The following PLOD2 variants were observed in gnomAD, a reference collection of about 807,000 sequenced individuals.
PLOD2 encodes the protein lysine hydroxylase 2.
A neutral mutation model predicts 101.0 loss-of-function variants in PLOD2; 65 were observed. The ratio of observed to expected loss-of-function variants is 0.64; its 90% CI spans 0.53 to 0.79. The LOEUF is 0.79. Among genes scored for constraint, PLOD2 ranks in the 30% least tolerant of loss-of-function variants. PLOD2 has a pLI of 0.00. For synonymous variants in PLOD2, 314 were observed against 302.9 expected (o/e 1.04, Z -0.38); for missense variants, 909 against 914.6 (o/e 0.99, Z 0.08).
intron 11 of PLOD2, among the ~76,000 whole-genome samples, chr3:146,082,770 C>A (rs1382104712): frequency 1.3e-5 from 2 of 152,076 alleles, no homozygotes; most frequent in East Asian, 3.9e-4. Flanking sequence ...TGGCACGCAC[C>A]TATAATCCCA....
chr3:146,092,329 G>C (rs976684108), intron 7 of PLOD2, among the ~76,000 whole-genome samples: 7 of 151,860 alleles, frequency 4.6e-5, no homozygotes, highest in African/African-American at 1.7e-4. Context: ...ACAGTAAATG[G>C]GGCAGTAGTA....
chr3:146,152,596 G>C (rs1460665633), intron 1 of PLOD2, among the ~76,000 whole-genome samples: 2 of 152,162 alleles, frequency 1.3e-5, no homozygotes, highest in African/African-American at 2.4e-5. Flanking sequence ...CTGTGTAAAA[G>C]AAAGTGGTAG....
intron 1 of PLOD2, among the ~76,000 whole-genome samples, chr3:146,147,902 T>C (rs2031860839): frequency 6.6e-6 from 1 of 152,134 alleles, no homozygotes; most frequent in Admixed American, 6.5e-5. Flanking sequence ...CAGCCAGCTG[T>C]TGTTGCCATA....
At chr3:146,136,774 T>G (rs1032439880) in intron 1 of PLOD2, among the ~76,000 whole-genome samples, 10 of 152,216 alleles carry the variant, frequency 6.6e-5, no homozygotes, top group African/African-American at 2.4e-4. Context: ...CCTTACAGGT[T>G]TGTAGTGTAG....
rs369867398 is a variant in PLOD2 at position 146,086,916 on chromosome 3, A to G, written c.1006-8T>C. ...CTTTTCATGATAAACTTCCTGTAAC[A>G]TATTTTAAAAATCAAAAATTAGAGA... On this transcript the variant is annotated splice_region_variant and splice_polypyrimidine_tract_variant and intron_variant, in intron 9 of 19. Coordinates refer to ENST00000282903, the MANE Select transcript of PLOD2 (RefSeq NM_182943.3). 2 of 1,470,898 alleles carry G rather than the reference A, an allele frequency of 1.4e-6. No individual in the cohort carries two copies. Among genetic ancestry groups the G allele is most frequent in the African/African-American group, 1.4e-5 (1 of 71,674 alleles). The allele number at this position is 1,470,898 out of a possible 1,614,324, so 91.1% of individuals were successfully genotyped here. A position where few individuals can be genotyped will look rare whatever the true frequency, so the allele number is the denominator to read the frequency against.
At chr3:146,125,916 A>C (rs2030534220) in intron 1 of PLOD2, among the ~76,000 whole-genome samples, 1 of 152,200 alleles carries the variant, frequency 6.6e-6, no homozygotes, top group African/African-American at 2.4e-5. Context: ...TCTATCTGTA[A>C]TAAAATTACT....
At chr3:146,095,619 T>C (rs1269296677) in intron 7 of PLOD2, among the ~76,000 whole-genome samples, 2 of 152,004 alleles carry the variant, frequency 1.3e-5, no homozygotes, top group African/African-American at 2.4e-5. Flanking sequence ...GGAGTGTAAA[T>C]TATTTCAACC....
At chr3:146,108,385 C>T (rs1331596015) in intron 4 of PLOD2, among the ~76,000 whole-genome samples, 1 of 151,986 alleles carries the variant, frequency 6.6e-6, no homozygotes, top group Non-Finnish European at 1.5e-5. Flanking sequence ...GATTTCCCTA[C>T]GTTGCACAGC....
At chr3:146,132,514 G>A (rs892944172) in intron 1 of PLOD2, among the ~76,000 whole-genome samples, 4 of 151,466 alleles carry the variant, frequency 2.6e-5, no homozygotes, top group African/African-American at 9.7e-5. Context: ...ATCCTTTATA[G>A]ATACTTCAAA....
At position 146,109,018 on chromosome 3, in the gene PLOD2, G is replaced by T. The variant is rs1267452711; in HGVS notation, c.502+1267C>A. Among the ~76,000 whole-genome samples, 3 of 152,120 alleles carry T rather than the reference G, an allele frequency of 2.0e-5. No homozygotes were observed. The East Asian group carries it at 5.8e-4, about 29-fold the overall frequency. On this transcript the variant is annotated intron_variant, in intron 4 of 19. Coordinates refer to ENST00000282903, the MANE Select transcript of PLOD2 (RefSeq NM_182943.3). ...TGGAAGCAGCACCCATCCATGAGCCGCATGCTCAAGCAGAGAAGTGATGGT... is the reference window on the plus strand; with the variant it reads ...TGGAAGCAGCACCCATCCATGAGCCTCATGCTCAAGCAGAGAAGTGATGGT...
In PLOD2 at chr3:146,070,213, TA is replaced by T. The variant is rs1007109222; in HGVS notation, c.*503del. The T allele has an allele frequency of 3.3e-5, 5 of 152,438 alleles. No individual in the cohort carries two copies. Among genetic ancestry groups the T allele is most frequent in the African/African-American group, 1.2e-4 (5 of 41,438 alleles). The allele number at this position is 152,438 out of a possible 1,614,324, so 9.4% of individuals were successfully genotyped here. Reference sequence around the variant, plus strand: ...GTGTTCCCTTAGTAACTACTGTAAATAAGACCTGCATAGGTGTTCAGAAAAA... The same window carrying T: ...GTGTTCCCTTAGTAACTACTGTAAATAGACCTGCATAGGTGTTCAGAAAAA... On this transcript the variant is annotated 3_prime_UTR_variant, in exon 20 of 20. Transcript: ENST00000282903.
At chr3:146,131,609 A>T (rs1448460176) in intron 1 of PLOD2, among the ~76,000 whole-genome samples, 1 of 152,222 alleles carries the variant, frequency 6.6e-6, no homozygotes, top group Non-Finnish European at 1.5e-5. Context: ...AGTCTAGCAA[A>T]GCCCACTTCT....
At chr3:146,091,513 C>G (rs1006486053) in intron 8 of PLOD2, among the ~76,000 whole-genome samples, 1 of 151,794 alleles carries the variant, frequency 6.6e-6, no homozygotes, top group East Asian at 1.9e-4. Context: ...AATGCTTTGA[C>G]TAAGCTAACA....
At chr3:146,100,675 G>A (rs144298328) in intron 7 of PLOD2, among the ~76,000 whole-genome samples, 2 of 152,294 alleles carry the variant, frequency 1.3e-5, no homozygotes, top group South Asian at 2.1e-4. Context: ...ATTGCTGAGC[G>A]GAGAGGGAGA....
At chr3:146,136,900 G>A (rs752871390) in intron 1 of PLOD2, among the ~76,000 whole-genome samples, 1 of 152,106 alleles carries the variant, frequency 6.6e-6, no homozygotes, top group Non-Finnish European at 1.5e-5. Flanking sequence ...TCAATTCTCA[G>A]AAGGTATCTT....
chr3:146,152,371 G>T (rs969133043), intron 1 of PLOD2, among the ~76,000 whole-genome samples: 1 of 151,866 alleles, frequency 6.6e-6, no homozygotes, highest in Admixed American at 6.6e-5. Context: ...AGTGAGCCGA[G>T]ATTGCACCAC....
chr3:146,083,860 C>T (rs964161966), intron 11 of PLOD2, among the ~76,000 whole-genome samples: 4 of 151,716 alleles, frequency 2.6e-5, no homozygotes, highest in Non-Finnish European at 5.9e-5. Context: ...GGATTACAGG[C>T]GTGAGCCACC....
intron 1 of PLOD2, among the ~76,000 whole-genome samples, chr3:146,148,368 A>ACACACACACACC (rs2031894842): frequency 6.7e-6 from 1 of 149,712 alleles, no homozygotes; most frequent in African/African-American, 2.4e-5. Flanking sequence ...ACACACACAC[A>ACACACACACACC]CTTTTCACTA....
chr3:146,139,966 C>A (rs528115446), intron 1 of PLOD2, among the ~76,000 whole-genome samples: 1 of 152,132 alleles, frequency 6.6e-6, no homozygotes, highest in Non-Finnish European at 1.5e-5. Context: ...ATGAATGGTT[C>A]GCCACCTGGT....
Sources: allele counts gnomAD v4.1 joint callset (sites outside exome capture counted in the v4.1 genomes callset), GRCh38; gene constraint gnomAD v4.1.1; transcripts MANE v1.5; gene names NCBI Gene and HGNC (gene_info 2026-07-23, HGNC 2026-07-21).